SIMC1: variants seen among roughly 807,000 people sequenced by gnomAD.
SIMC1 encodes the protein SUMO-interacting motif-containing protein 1.
Under a neutral mutation model 82.3 loss-of-function variants are expected in SIMC1, and 55 were observed. That is an observed-to-expected ratio of 0.67 (90% CI 0.54 to 0.84). The LOEUF (loss-of-function observed/expected upper bound fraction) is 0.84. SIMC1 is among the 40% of genes least tolerant of loss of function. SIMC1 has a pLI of 0.00. For missense variants in SIMC1, 915 were observed against 1,107.2 expected, an observed-to-expected ratio of 0.83 and a Z score of 2.46; for synonymous variants, 353 against 426.3, an observed-to-expected ratio of 0.83 and a Z score of 2.12.
chr5:176,311,395 G>A (rs1316707786), intron 4 of SIMC1, among the ~76,000 whole-genome samples: 1 of 151,922 alleles, frequency 6.6e-6, no homozygotes, highest in Non-Finnish European at 1.5e-5. Flanking sequence ...ATGCTATCAC[G>A]CCTGGATAAT....
At chr5:176,272,533 G>A (rs1386897714) in intron 1 of SIMC1, among the ~76,000 whole-genome samples, 1 of 152,184 alleles carries the variant, frequency 6.6e-6, no homozygotes, top group Non-Finnish European at 1.5e-5. Flanking sequence ...CGCAGAAGAC[G>A]GGTGATGTCT....
Position 176,336,896 on chromosome 5 carries a change from A to C in SIMC1, c.2328+20A>C, listed in dbSNP as rs766782426. 1 of 1,613,606 alleles carries C rather than the reference A, an allele frequency of 6.2e-7. No homozygotes were observed. The highest frequency in any genetic ancestry group is 8.5e-7 in the Non-Finnish European group (1 of 1,179,748). On this transcript the variant is annotated intron_variant, in intron 8 of 9. Coordinates refer to ENST00000429602, the MANE Select transcript of SIMC1 (RefSeq NM_001308195.2). ...TGTCAGGTACATTTTTTCCTGCCCA[A>C]TTTCAGGCCTAGAGCACCTCTCTTT... is the stretch of plus-strand genomic sequence containing the variant.
At chr5:176,285,289 A>G (rs1763218727) in intron 1 of SIMC1, among the ~76,000 whole-genome samples, 1 of 152,198 alleles carries the variant, frequency 6.6e-6, no homozygotes, top group African/African-American at 2.4e-5. Context: ...CTTATCCACC[A>G]TGATCAAGTG....
intron 1 of SIMC1, among the ~76,000 whole-genome samples, chr5:176,247,206 C>T (rs923753288): frequency 2.0e-5 from 3 of 152,152 alleles, no homozygotes; most frequent in African/African-American, 7.2e-5. Context: ...AATGGTTGAA[C>T]TAATTTACAC....
intron 4 of SIMC1, among the ~76,000 whole-genome samples, chr5:176,305,645 T>A (rs75603273): frequency 1.4e-5 from 1 of 73,172 alleles, no homozygotes. Flanking sequence ...TCTGCCCGGC[T>A]GCCCCTACTG....
At chr5:176,246,393 T>TC (rs1761443105) in intron 1 of SIMC1, among the ~76,000 whole-genome samples, 1 of 151,090 alleles carries the variant, frequency 6.6e-6, no homozygotes, top group Non-Finnish European at 1.5e-5. Context: ...AATCAGCTTG[T>TC]ATAATAGTTC....
intron 1 of SIMC1, among the ~76,000 whole-genome samples, chr5:176,270,959 A>G (rs1455006718): frequency 1.3e-5 from 2 of 152,142 alleles, no homozygotes; most frequent in Non-Finnish European, 2.9e-5. Context: ...GAGCCAGTGG[A>G]TTTGGGGTCC....
intron 4 of SIMC1, among the ~76,000 whole-genome samples, chr5:176,309,925 G>A (rs928066397): frequency 2.6e-5 from 4 of 151,974 alleles, no homozygotes; most frequent in Non-Finnish European, 5.9e-5. Flanking sequence ...ACAGAGTGAG[G>A]CCTTGTCTCA....
chr5:176,263,294 T>A, intron 1 of SIMC1: 1 of 805,152 alleles, frequency 1.2e-6, no homozygotes, highest in Non-Finnish European at 1.8e-6. Flanking sequence ...GATTGTAAAG[T>A]TTATATGGAG....
At chr5:176,275,927 A>C (rs1762670088) in intron 1 of SIMC1, among the ~76,000 whole-genome samples, 1 of 151,576 alleles carries the variant, frequency 6.6e-6, no homozygotes, top group African/African-American at 2.4e-5. Flanking sequence ...ATTGGTCTAA[A>C]ATTCTCTTTT....
At chr5:176,269,484 T>G (rs1762336948) in intron 1 of SIMC1, among the ~76,000 whole-genome samples, 2 of 152,222 alleles carry the variant, frequency 1.3e-5, no homozygotes, top group Admixed American at 1.3e-4. Context: ...GATAAAATAT[T>G]AATAGCCCTA....
chr5:176,336,376 A>G (rs989420722), intron 7 of SIMC1, among the ~76,000 whole-genome samples: 7 of 152,138 alleles, frequency 4.6e-5, no homozygotes, highest in African/African-American at 1.7e-4. Context: ...CCTTTTATTT[A>G]TCTTAATATT....
At chr5:176,284,880 A>ACC in intron 1 of SIMC1, among the ~76,000 whole-genome samples, 2 of 152,254 alleles carry the variant, frequency 1.3e-5, no homozygotes, top group East Asian at 3.9e-4. Flanking sequence ...GGACACATAC[A>ACC]CCCTCCCAAG....
At chr5:176,262,087 A>G (rs2113148389) in intron 1 of SIMC1, among the ~76,000 whole-genome samples, 2 of 151,604 alleles carry the variant, frequency 1.3e-5, no homozygotes, top group Middle Eastern at 6.8e-3. Flanking sequence ...TAGCAAATCA[A>G]ATCCAACAAT....
At chr5:176,335,273 CTT>C (rs1225021593) in intron 7 of SIMC1, among the ~76,000 whole-genome samples, 7 of 98,652 alleles carry the variant, frequency 7.1e-5, no homozygotes, top group South Asian at 7.9e-4. Context: ...TTCTTTGTAT[CTT>C]TTTTTTTTTT....
intron 1 of SIMC1, among the ~76,000 whole-genome samples, chr5:176,245,489 T>G (rs1581211865): frequency 6.6e-6 from 1 of 152,206 alleles, no homozygotes; most frequent in African/African-American, 2.4e-5. Context: ...TTTCTGGTAA[T>G]TTTTACTAGG....
At chr5:176,335,089 T>G (rs990055855) in intron 7 of SIMC1, among the ~76,000 whole-genome samples, 1 of 150,606 alleles carries the variant, frequency 6.6e-6, no homozygotes, top group Non-Finnish European at 1.5e-5. Flanking sequence ...AGAGCGAAAC[T>G]CTGTCTCAAA....
At position 176,308,903 on chromosome 5, in the gene SIMC1, G is replaced by A. The variant is rs773948424; in HGVS notation, c.1735-4788G>A. 138 of 1,311,136 alleles carry A rather than the reference G, an allele frequency of 1.1e-4. No homozygotes were observed. In the South Asian group the frequency reaches 1.3e-3, roughly 12 times the overall value. 81.2% of individuals were successfully genotyped at this position (1,311,136 alleles called of 1,614,324 possible). On this transcript the variant is annotated intron_variant, in intron 4 of 9. Coordinates refer to ENST00000429602, the MANE Select transcript of SIMC1 (RefSeq NM_001308195.2). Reference sequence around the variant, plus strand: ...GTGCAGTCAGATGTCAGCAGTCAGCGGGCCTCTTCTACAGTGGTTGGAGGA... The same window carrying A: ...GTGCAGTCAGATGTCAGCAGTCAGCAGGCCTCTTCTACAGTGGTTGGAGGA...
intron 1 of SIMC1, among the ~76,000 whole-genome samples, chr5:176,254,745 C>T (rs1017029244): frequency 5.3e-5 from 8 of 151,468 alleles, no homozygotes; most frequent in Admixed American, 1.3e-4. Context: ...ATATATATAA[C>T]CAATGTTTCC....
Sources: allele counts gnomAD v4.1 joint callset (sites outside exome capture counted in the v4.1 genomes callset), GRCh38; gene constraint gnomAD v4.1.1; transcripts MANE v1.5; gene names NCBI Gene and HGNC (gene_info 2026-07-23, HGNC 2026-07-21).